CYP4X1: variants seen among roughly 807,000 people sequenced by gnomAD.
The protein encoded by CYP4X1 is cytochrome P450 family 4 subfamily X member 1.
Under a neutral mutation model 57.9 loss-of-function variants are expected in CYP4X1, and 44 were observed. The ratio of observed to expected loss-of-function variants is 0.76; its 90% CI spans 0.60 to 0.98. The LOEUF (loss-of-function observed/expected upper bound fraction) is 0.98. CYP4X1 is among the 50% of genes least tolerant of loss of function. The pLI is 0.00. For synonymous variants in CYP4X1, 227 were observed against 228.6 expected, an observed-to-expected ratio of 0.99 and a Z score of 0.06; for missense variants, 532 against 623.9, an observed-to-expected ratio of 0.85 and a Z score of 1.57.
chr1:46,966,905 T>A, the CYP4X1 span, among the ~76,000 whole-genome samples: 2 of 152,236 alleles, frequency 1.3e-5, no homozygotes, highest in African/African-American at 4.8e-5. Context: ...ATAGGAGAGT[T>A]AGCAAAAGTA....
At position 47,023,781 on chromosome 1, in the gene CYP4X1, C is replaced by T. The variant is rs777022209; in HGVS notation, c.-37C>T. ...GGAGAAAGCCCACCCTCTCCCGCGC[C>T]CCAGGAAACCGCCGGCGTTCGGCGC... On this transcript the variant is annotated 5_prime_UTR_variant, in exon 1 of 12. Coordinates refer to ENST00000371901, the MANE Select transcript of CYP4X1 (RefSeq NM_178033.2). The T allele has an allele frequency of 1.9e-6, 3 of 1,596,340 alleles. No homozygotes were observed. Among genetic ancestry groups the T allele is most frequent in the Non-Finnish European group, 1.7e-6 (2 of 1,169,688 alleles).
chr1:46,974,495 C>T, the CYP4X1 span, among the ~76,000 whole-genome samples: 5 of 152,104 alleles, frequency 3.3e-5, no homozygotes, highest in African/African-American at 1.2e-4. Context: ...AGTATTCTGC[C>T]TCAATGATCT....
At chr1:46,977,311 G>A in the CYP4X1 span, among the ~76,000 whole-genome samples, 200 of 152,248 alleles carry the variant, frequency 1.3e-3, 7 homozygotes, top group South Asian at 0.032. Context: ...ACCATGGCAC[G>A]AGAACTATGT....
upstream of CYP4X1, among the ~76,000 whole-genome samples, chr1:47,021,142 C>CAAAAAAAAAAA (rs546594827): frequency 0.018 from 872 of 47,448 alleles, 177 homozygotes; most frequent in East Asian, 0.066. Flanking sequence ...GCAGGAATGC[C>CAAAAAAAAAAA]AAAAAAAAAA....
Position 47,023,792 on chromosome 1 carries a change from G to A in CYP4X1, c.-26G>A. 1.9e-6 allele frequency: 3 copies of A among 1,599,088 alleles called. No individual in the cohort carries two copies. The highest frequency in any genetic ancestry group is 1.1e-5 in the South Asian group (1 of 90,200). On this transcript the variant is annotated 5_prime_UTR_variant, in exon 1 of 12. Transcript: ENST00000371901. ...ACCCTCTCCCGCGCCCCAGGAAACC[G>A]CCGGCGTTCGGCGCTGCGCAGAGCC...
At position 47,023,889 on chromosome 1, in the gene CYP4X1, G is replaced by T. The variant is rs1349548835; in HGVS notation, c.72G>T (p.Leu24=). 21 of 1,613,720 alleles carry T rather than the reference G, an allele frequency of 1.3e-5. No individual in the cohort carries two copies. Among genetic ancestry groups the T allele is most frequent in the Non-Finnish European group, 1.8e-5 (21 of 1,179,994 alleles). ...FYLAFVFCLA[L]GLLQAIKLYL... is the part of the protein sequence containing the mutation. ...TGGCGTTCGTGTTCTGCCTGGCCCT[G>T]GGGCTGCTGCAGGCCATTAAGCTGT... Residue 24 remains leucine, a synonymous_variant, in exon 1 of 12, where the codon CTG becomes CTT. Coordinates refer to ENST00000371901, the MANE Select transcript of CYP4X1 (RefSeq NM_178033.2).
Position 47,049,478 on chromosome 1 carries a change from C to T in CYP4X1, c.1329C>T (p.Ala443=), listed in dbSNP as rs762550535. 1.7e-5 allele frequency: 28 copies of T among 1,614,064 alleles called. No homozygotes were observed. In the East Asian group the frequency reaches 6.2e-4, roughly 36 times the overall value. ...QENSDQRHPY[A]YLPFSAGSRN... ...ATTCTGATCAGAGACACCCCTATGC[C>T]TACTTACCATTCTCAGCTGGATCAA... Residue 443 remains alanine, a synonymous_variant, in exon 11 of 12, where the codon GCC becomes GCT. Coordinates refer to ENST00000371901, the MANE Select transcript of CYP4X1 (RefSeq NM_178033.2).
At chr1:46,978,915 C>T in the CYP4X1 span, among the ~76,000 whole-genome samples, 23 of 152,268 alleles carry the variant, frequency 1.5e-4, no homozygotes, top group Admixed American at 1.5e-3. Flanking sequence ...TAAAGATGTT[C>T]TTTGAAACCA....
At chr1:46,977,030 G>A in the CYP4X1 span, among the ~76,000 whole-genome samples, 39 of 152,244 alleles carry the variant, frequency 2.6e-4, 1 homozygote, top group South Asian at 7.9e-3. Context: ...ACCAGAGCAG[G>A]AAAGCTAAAA....
intron 3 of CYP4X1, among the ~76,000 whole-genome samples, chr1:47,031,948 C>A (rs1299560487): frequency 6.6e-6 from 1 of 152,080 alleles, no homozygotes; most frequent in African/African-American, 2.4e-5. Context: ...GAGGCTGAGA[C>A]ATGAGAATCG....
the CYP4X1 span, among the ~76,000 whole-genome samples, chr1:46,972,041 G>C: frequency 2.6e-5 from 4 of 152,086 alleles, no homozygotes; most frequent in Non-Finnish European, 5.9e-5. Flanking sequence ...TTATATTCTA[G>C]GTTTTCTTCC....
chr1:46,967,673 C>T, the CYP4X1 span: 12 of 633,150 alleles, frequency 1.9e-5, no homozygotes, highest in Non-Finnish European at 2.9e-5. Flanking sequence ...GGTGGAGGCC[C>T]TCAGAGCTGG....
chr1:46,979,445 A>G, the CYP4X1 span, among the ~76,000 whole-genome samples: 2 of 152,218 alleles, frequency 1.3e-5, no homozygotes, highest in East Asian at 3.8e-4. Flanking sequence ...GAATCACTGA[A>G]TAGACCCATA....
the CYP4X1 span, among the ~76,000 whole-genome samples, chr1:46,987,510 A>C: frequency 1.3e-5 from 2 of 152,186 alleles, no homozygotes; most frequent in African/African-American, 4.8e-5. Flanking sequence ...TCAGGACTTG[A>C]ACTCAGCTCT....
the CYP4X1 span, among the ~76,000 whole-genome samples, chr1:46,983,908 C>A: frequency 6.6e-6 from 1 of 152,072 alleles, no homozygotes; most frequent in South Asian, 2.1e-4. Flanking sequence ...GGATGCTATG[C>A]CTGCAGTCTG....
At chr1:46,961,873 G>A in the CYP4X1 span, 2 of 924,532 alleles carry the variant, frequency 2.2e-6, no homozygotes, top group Non-Finnish European at 2.9e-6. Flanking sequence ...GCCTCTTTGT[G>A]CCTGTCTTAG....
the CYP4X1 span, among the ~76,000 whole-genome samples, chr1:46,990,502 G>T: frequency 6.6e-6 from 1 of 152,176 alleles, no homozygotes; most frequent in African/African-American, 2.4e-5. Flanking sequence ...TGATTCCTCA[G>T]GGATCTAGAA....
At chr1:47,021,142 C>CAAAAAAAAAAAAAAAAAAAA (rs546594827), upstream of CYP4X1, among the ~76,000 whole-genome samples, 4 of 47,452 alleles carry the variant, frequency 8.4e-5, 1 homozygote, top group Non-Finnish European at 6.6e-5. Flanking sequence ...GCAGGAATGC[C>CAAAAAAAAAAAAAAAAAAAA]AAAAAAAAAA....
the CYP4X1 span, among the ~76,000 whole-genome samples, chr1:47,000,557 T>C: frequency 7.2e-5 from 11 of 152,134 alleles, no homozygotes; most frequent in Admixed American, 1.3e-4. Context: ...TTATTTTAAA[T>C]CACTGAGGTT....
Sources: gnomAD v4.1 joint callset for allele counts (sites outside exome capture counted in the v4.1 genomes callset) on GRCh38, gnomAD v4.1.1 for gene constraint, MANE v1.5 for transcripts, NCBI Gene and HGNC (gene_info 2026-07-23, HGNC 2026-07-21) for gene names.